The following REXO1 variants were observed in gnomAD, a reference collection of about 807,000 sequenced individuals.
The protein encoded by REXO1 is RNA exonuclease 1 homolog.
Under a neutral mutation model 102.6 loss-of-function variants are expected in REXO1, and 42 were observed. The observed-to-expected ratio is 0.41, with a 90% CI of 0.32 to 0.53. The LOEUF is 0.53. Ranked by LOEUF, REXO1 falls within the 20% of genes least tolerant of loss-of-function variation. REXO1 has a pLI of 0.27. For synonymous variants in REXO1, 908 were observed against 779.1 expected (o/e 1.17, Z -2.76); for missense variants, 1,819 against 1,732.5 (o/e 1.05, Z -0.89).
At chr19:1,825,805 A>AAAT in intron 3 of REXO1, 34 bp downstream of exon 3, 1 of 1,296,668 alleles carries the variant, frequency 7.7e-7, no homozygotes, top group Non-Finnish European at 1.1e-6. Flanking sequence ...AAAAAAAAAA[A>AAAT]GGCTCCTGCT....
intron 8 of REXO1, 50 bp from the exon 9 acceptor site, chr19:1,818,893 G>T: frequency 6.3e-7 from 1 of 1,595,470 alleles, no homozygotes; most frequent in Non-Finnish European, 8.5e-7. Context: ...CCCACGGGGC[G>T]GTAGACACCA....
intron 7 of REXO1, among the ~76,000 whole-genome samples, 184 bp downstream of exon 7, chr19:1,819,749 GC>G (rs1353977450): frequency 7.2e-5 from 11 of 152,334 alleles, no homozygotes; most frequent in African/African-American, 2.2e-4. Flanking sequence ...GGACACCAGG[GC>G]CAGGTCCGTC....
chr19:1,832,789 A>G (rs575942163), intron 1 of REXO1, among the ~76,000 whole-genome samples: 102 of 151,870 alleles, frequency 6.7e-4, no homozygotes, highest in Non-Finnish European at 1.3e-3. Flanking sequence ...GGGGGCGTGC[A>G]CCTGTAATCC....
intron 1 of REXO1, among the ~76,000 whole-genome samples, chr19:1,839,255 C>CAAA (rs56278521): frequency 0.017 from 2,311 of 133,404 alleles, 43 homozygotes; most frequent in African/African-American, 0.041. Flanking sequence ...ACTCTATCTC[C>CAAA]AAAAAAAAAA....
rs1022280256 is a variant in REXO1 at position 1,819,998 on chromosome 19, A to G, written c.2586T>C (p.Asn862=). The G allele has an allele frequency of 2.5e-6, 4 of 1,599,190 alleles. No individual in the cohort carries two copies. The highest frequency in any genetic ancestry group is 3.4e-6 in the Non-Finnish European group (4 of 1,175,916). The change falls in exon 7 of 16, where the codon AAT becomes AAC. Residue 862 remains asparagine (N), a synonymous_variant. Transcript: ENST00000170168. ...DRSPSKNIYL[N]VAVNTLKKLR... ...GCTTCTTGAGGGTGTTCACGGCCAC[A>G]TTCAGGTAGATGTTCTTGCTGGGGC...
intron 1 of REXO1, among the ~76,000 whole-genome samples, chr19:1,837,263 T>C (rs11669862): frequency 0.38 from 57,444 of 152,070 alleles, 13,094 homozygotes; most frequent in Non-Finnish European, 0.53. Context: ...CAAATGGCCA[T>C]ACGTCCACTC....
intron 4 of REXO1, chr19:1,821,915 G>A (rs1394938071): frequency 6.3e-5 from 36 of 575,990 alleles, no homozygotes; most frequent in South Asian, 5.9e-4. Flanking sequence ...CTGAGGACAC[G>A]TCACCGGTGG....
At chr19:1,842,077 A>G (rs936870715) in intron 1 of REXO1, among the ~76,000 whole-genome samples, 7 of 152,054 alleles carry the variant, frequency 4.6e-5, no homozygotes, top group Non-Finnish European at 7.4e-5. Flanking sequence ...CAGGCGTGGT[A>G]GCAGGTGCCT....
chr19:1,835,965 C>G (rs1361653148), intron 1 of REXO1, among the ~76,000 whole-genome samples: 1 of 152,228 alleles, frequency 6.6e-6, no homozygotes, highest in African/African-American at 2.4e-5. Context: ...CTCCTGAGAC[C>G]AGTGCCCTGC....
intron 12 of REXO1, 138 bp downstream of exon 12, chr19:1,817,081 G>A (rs887871553): frequency 2.8e-6 from 3 of 1,074,208 alleles, no homozygotes; most frequent in Admixed American, 2.5e-5. Context: ...CAGGGCAGGA[G>A]CCACAGGCAC....
chr19:1,841,982 G>A (rs771297562), intron 1 of REXO1, among the ~76,000 whole-genome samples: 4 of 152,040 alleles, frequency 2.6e-5, no homozygotes, highest in African/African-American at 7.2e-5. Context: ...AGGCTGAGGC[G>A]GGTGGATCAC....
Position 1,816,151 on chromosome 19 carries a change from T to C in REXO1, c.3581A>G (p.Asp1194Gly). 6.4e-7 allele frequency: 1 copy of C among 1,551,916 alleles called. No individual in the cohort carries two copies. The highest frequency in any genetic ancestry group is 8.7e-7 in the Non-Finnish European group (1 of 1,147,152). ...YLRQIIQDNV[D>G]GHSSSEDAGA... ...GGCGTCCTCGCTGGAGCTGTGCCCA[T>C]CCACTGCGGGGCAGATGCGGTGAGC... The change falls in exon 16 of 16, where the codon GAT (aspartate) becomes GGT (glycine). Residue 1194 changes from aspartate to glycine, a missense_variant. Physicochemically the swap from Asp to Gly is moderately conservative, Grantham distance 94 (BLOSUM62 -1). Transcript: ENST00000170168.
At chr19:1,833,047 C>A (rs1187397001) in intron 1 of REXO1, among the ~76,000 whole-genome samples, 1 of 151,948 alleles carries the variant, frequency 6.6e-6, no homozygotes, top group African/African-American at 2.4e-5. Flanking sequence ...CACGGCGAGA[C>A]CCCGTCTCTA....
chr19:1,836,606 C>T (rs2070043686), intron 1 of REXO1, among the ~76,000 whole-genome samples: 1 of 152,114 alleles, frequency 6.6e-6, no homozygotes, highest in South Asian at 2.1e-4. Flanking sequence ...ATTAGCCGGG[C>T]GTGGCGGCAG....
At chr19:1,832,293 C>A (rs1343665311) in intron 1 of REXO1, among the ~76,000 whole-genome samples, 1 of 152,232 alleles carries the variant, frequency 6.6e-6, no homozygotes, top group East Asian at 1.9e-4. Flanking sequence ...CCCAGCGAGG[C>A]TGACTTTGGA....
chr19:1,839,947 C>T (rs1026889995), intron 1 of REXO1, among the ~76,000 whole-genome samples: 1 of 152,244 alleles, frequency 6.6e-6, no homozygotes, highest in Non-Finnish European at 1.5e-5. Flanking sequence ...TCCCTAGGGC[C>T]TGCTCCTGAG....
intron 1 of REXO1, among the ~76,000 whole-genome samples, chr19:1,842,411 A>G (rs2011325952): frequency 6.6e-6 from 1 of 152,248 alleles, no homozygotes; most frequent in Non-Finnish European, 1.5e-5. Flanking sequence ...ACTGGCAACC[A>G]AAACATCTCC....
rs762223242 is a variant in REXO1, at chr19:1,827,403, G to A, written c.1386C>T (p.Ser462=). 93 of 1,542,262 alleles carry A rather than the reference G, an allele frequency of 6.0e-5. 1 individual carries two copies. The South Asian group carries it at 6.9e-4, about 11-fold the overall frequency. The change falls in exon 2 of 16, where the codon AGC becomes AGT. Residue 462 remains serine (S), a synonymous_variant. Transcript: ENST00000170168. ...TGCCGGCCGCCGGTCGGGAGTCCCC[G>A]CTTGTGGGGCTCGGCCGCCGCGCTG... ...DRPARRPSPT[S]GDSRPAAGRG...
chr19:1,820,040 C>G lies in REXO1; in HGVS notation c.2544G>C (p.Lys848Asn). Residue 848 changes from lysine (K) to asparagine (N), a missense_variant, in exon 7 of 16, where the codon AAG (lysine) becomes AAC (asparagine). Coordinates refer to ENST00000170168, the MANE Select transcript of REXO1 (RefSeq NM_020695.4). Reference protein sequence around the residue: ...EAIEKALNEEKVAYDRSPSKN... With the variant: ...EAIEKALNEENVAYDRSPSKN... The stretch of plus-strand genomic sequence containing the variant: ...TGCTGGGGCTGCGGTCATAGGCCAC[C>G]TTCTCCTCGTTCAGTGCCTGGGGGA... 1 of 1,604,034 alleles carries G rather than the reference C, an allele frequency of 6.2e-7. No homozygotes were observed. Among genetic ancestry groups the G allele is most frequent in the Non-Finnish European group, 8.5e-7 (1 of 1,177,378 alleles).
Sources: allele counts gnomAD v4.1 joint callset (sites outside exome capture counted in the v4.1 genomes callset), GRCh38; gene constraint gnomAD v4.1.1; transcripts MANE v1.5; gene names NCBI Gene and HGNC (gene_info 2026-07-23, HGNC 2026-07-21).